EBPL: variants seen among roughly 807,000 people sequenced by gnomAD.
The protein encoded by EBPL is emopamil-binding protein-like.
In EBPL, 20 loss-of-function variants were observed where a neutral mutation model predicts 19.0. The ratio of observed to expected loss-of-function variants is 1.05; its 90% CI spans 0.74 to 1.53. The LOEUF (loss-of-function observed/expected upper bound fraction) is 1.53, where lower values mean the gene tolerates loss of function less well. Among genes scored for constraint, EBPL ranks in the 40% most tolerant of loss-of-function variants. The pLI, the probability that EBPL is intolerant of heterozygous loss-of-function variation, is 0.00. For synonymous variants in EBPL, 107 were observed against 117.0 expected (o/e 0.91, Z 0.55); for missense variants, 219 against 261.1 (o/e 0.84, Z 1.11).
chr13:49,685,970 G>A (rs1374111572), intron 1 of EBPL, among the ~76,000 whole-genome samples: 2 of 152,132 alleles, frequency 1.3e-5, no homozygotes, highest in South Asian at 2.1e-4. Flanking sequence ...GCTTCAGAGA[G>A]GGCGTGGCAC....
chr13:49,662,382 A>G (rs989804720), intron 3 of EBPL, among the ~76,000 whole-genome samples: 5 of 152,154 alleles, frequency 3.3e-5, no homozygotes, highest in Non-Finnish European at 5.9e-5. Flanking sequence ...TCCAAATTAT[A>G]TAAGATAATT....
chr13:49,675,153 A>T (rs1004139163), intron 1 of EBPL, among the ~76,000 whole-genome samples: 1 of 152,236 alleles, frequency 6.6e-6, no homozygotes, highest in Non-Finnish European at 1.5e-5. Context: ...GAGTGTATTC[A>T]CACAAACCTA....
At chr13:49,691,224 G>T (rs201609636) in intron 1 of EBPL, 30 bp downstream of exon 1, 91 of 1,315,732 alleles carry the variant, frequency 6.9e-5, no homozygotes, top group Middle Eastern at 3.0e-4. Flanking sequence ...TCTGGGATGG[G>T]GAGTGCAGGG....
rs756852952 is a variant in EBPL, at chr13:49,663,142, C to G, written c.295G>C (p.Val99Leu). ...GCGACGGTCAGAATTTCCACAGACACAATGGTTGGATCAAAATAAACCCAT... is the reference window on the plus strand; with the variant it reads ...GCGACGGTCAGAATTTCCACAGACAGAATGGTTGGATCAAAATAAACCCAT... ...ARWVYFDPTI[V>L]SVEILTVALD... The change falls in exon 3 of 4, where the codon GTG becomes CTG. Residue 99 changes from valine (V) to leucine (L), a missense_variant. Val to Leu is a conservative substitution (Grantham distance 32, BLOSUM62 1). Transcript: ENST00000242827. 32 of 1,614,074 alleles carry G rather than the reference C, an allele frequency of 2.0e-5. No individual in the cohort carries two copies. Among genetic ancestry groups the G allele is most frequent in the Middle Eastern group, 1.6e-4 (1 of 6,084 alleles).
At chr13:49,663,269 CCTTT>C in intron 2 of EBPL, 74 bp from the exon 3 acceptor site, 2 of 1,566,510 alleles carry the variant, frequency 1.3e-6, no homozygotes, top group South Asian at 1.1e-5. Context: ...ACCTTTCTTT[CCTTT>C]AAGGTGGAGA....
chr13:49,670,408 C>T (rs1953799346), intron 1 of EBPL, among the ~76,000 whole-genome samples: 1 of 152,216 alleles, frequency 6.6e-6, no homozygotes, highest in Non-Finnish European at 1.5e-5. Flanking sequence ...ATTTTCCCAT[C>T]ACTGAAGTGC....
At chr13:49,665,718 T>C (rs1965216745) in intron 2 of EBPL, among the ~76,000 whole-genome samples, 5 of 150,020 alleles carry the variant, frequency 3.3e-5, no homozygotes, top group Non-Finnish European at 7.4e-5. Flanking sequence ...AACAAGTCTT[T>C]TTTTTTTTTT....
chr13:49,685,699 CG>C (rs1404735200), intron 1 of EBPL, among the ~76,000 whole-genome samples: 3 of 151,990 alleles, frequency 2.0e-5, no homozygotes, highest in African/African-American at 4.8e-5. Context: ...ATGGTGAAAC[CG>C]TGTCTCTACT....
At chr13:49,665,461 G>A (rs1222369557) in intron 2 of EBPL, among the ~76,000 whole-genome samples, 1 of 152,122 alleles carries the variant, frequency 6.6e-6, no homozygotes, top group Non-Finnish European at 1.5e-5. Context: ...AATAGAGATG[G>A]GGTTTCACCA....
intron 1 of EBPL, among the ~76,000 whole-genome samples, chr13:49,671,480 G>A (rs1461893549): frequency 6.6e-6 from 1 of 152,110 alleles, no homozygotes; most frequent in African/African-American, 2.4e-5. Context: ...AAAATCATAT[G>A]AGAAAAATAG....
chr13:49,684,297 T>C (rs1392760833), intron 1 of EBPL, among the ~76,000 whole-genome samples: 3 of 152,202 alleles, frequency 2.0e-5, no homozygotes, highest in Non-Finnish European at 4.4e-5. Context: ...AAAAGGGGAA[T>C]TTAGAAAAGT....
At chr13:49,661,882 G>T in intron 3 of EBPL, 1 of 1,550,568 alleles carries the variant, frequency 6.4e-7, no homozygotes, top group Non-Finnish European at 8.7e-7. Flanking sequence ...TTGTTTTAGG[G>T]ATTCATCTCA....
chr13:49,662,898 A>C (rs60909069), intron 3 of EBPL, among the ~76,000 whole-genome samples, 159 bp downstream of exon 3: 1,524 of 152,256 alleles, frequency 0.01, 25 homozygotes, highest in African/African-American at 0.035. Context: ...AGCCTCCCAA[A>C]GTGCTGGGAT....
intron 1 of EBPL, among the ~76,000 whole-genome samples, chr13:49,679,512 ATTTC>A (rs886591261): frequency 6.6e-6 from 1 of 152,028 alleles, no homozygotes; most frequent in Non-Finnish European, 1.5e-5. Context: ...AACAGATTGT[ATTTC>A]TTTCTTTTTT....
Position 49,673,152 on chromosome 13 carries a change from G to C in EBPL, c.172-3306C>G, listed in dbSNP as rs1953836338. Among the ~76,000 whole-genome samples the C allele has an allele frequency of 2.0e-5, 3 of 152,148 alleles. No individual in the cohort carries two copies. In the South Asian group the frequency reaches 6.2e-4, roughly 32 times the overall value. On this transcript the variant is annotated intron_variant, in intron 1 of 3. Transcript: ENST00000242827. ...TACTGGCAACATCGAATACTGGTGA[G>C]GATGTGGAAAAACTGAAACAAACAC...
chr13:49,667,917 G>C (rs993945037), intron 2 of EBPL, among the ~76,000 whole-genome samples: 1 of 152,238 alleles, frequency 6.6e-6, no homozygotes, highest in African/African-American at 2.4e-5. Flanking sequence ...AGGGCAGCCA[G>C]GGGAGGAGGT....
At chr13:49,684,611 G>T (rs1594416947) in intron 1 of EBPL, among the ~76,000 whole-genome samples, 1 of 152,280 alleles carries the variant, frequency 6.6e-6, no homozygotes, top group South Asian at 2.1e-4. Flanking sequence ...GGAGGCAGAG[G>T]CTGTGGCGAG....
At chr13:49,674,170 C>T (rs930403072) in intron 1 of EBPL, among the ~76,000 whole-genome samples, 1 of 152,094 alleles carries the variant, frequency 6.6e-6, no homozygotes, top group African/African-American at 2.4e-5. Flanking sequence ...GTGGTGCGAC[C>T]TTGGCTCATT....
At chr13:49,672,823 G>T (rs1953832690) in intron 1 of EBPL, among the ~76,000 whole-genome samples, 5 of 152,174 alleles carry the variant, frequency 3.3e-5, no homozygotes, top group Admixed American at 3.3e-4. Flanking sequence ...ACTTTGGGAG[G>T]CCTGGGCGGG....
Sources: allele counts gnomAD v4.1 joint callset (sites outside exome capture counted in the v4.1 genomes callset), GRCh38; gene constraint gnomAD v4.1.1; transcripts MANE v1.5; gene names NCBI Gene and HGNC (gene_info 2026-07-23, HGNC 2026-07-21).